The following RBFOX1 variants were observed in gnomAD, a reference collection of about 807,000 sequenced individuals.
The protein encoded by RBFOX1 is RNA binding fox-1 homolog 1, also known as RNA binding protein fox-1 homolog 1.
A neutral mutation model predicts 57.7 loss-of-function variants in RBFOX1; 8 were observed. The observed-to-expected ratio is 0.14, with a 90% CI of 0.08 to 0.25. RBFOX1 has a LOEUF of 0.25. RBFOX1 is among the 10% of genes least tolerant of loss of function. The pLI, the probability that RBFOX1 is intolerant of heterozygous loss-of-function variation, is 1.00. For synonymous variants in RBFOX1, 326 were observed against 222.4 expected (o/e 1.47, Z -4.15); for missense variants, 611 against 548.5 (o/e 1.11, Z -1.14).
At chr16:7,494,612 A>G (rs999034755) in intron 4 of RBFOX1, among the ~76,000 whole-genome samples, 10 of 152,296 alleles carry the variant, frequency 6.6e-5, no homozygotes, top group Admixed American at 4.6e-4. Flanking sequence ...AAATAATCCT[A>G]TGAAGGGTAT....
chr16:6,155,787 G>A (rs924698248), intron 1 of RBFOX1, among the ~76,000 whole-genome samples: 1 of 151,188 alleles, frequency 6.6e-6, no homozygotes, highest in Non-Finnish European at 1.5e-5. Context: ...CTGTGGCAAT[G>A]TTTTTTTTTG....
chr16:7,223,870 C>A (rs1020329370), intron 4 of RBFOX1, among the ~76,000 whole-genome samples: 2 of 151,650 alleles, frequency 1.3e-5, no homozygotes, highest in African/African-American at 2.4e-5. Context: ...AACCATAAAT[C>A]TGTTATGGCT....
intron 3 of RBFOX1, among the ~76,000 whole-genome samples, chr16:5,784,271 A>T (rs1395357515): frequency 1.3e-5 from 2 of 152,078 alleles, no homozygotes; most frequent in Non-Finnish European, 2.9e-5. Flanking sequence ...AATACAAAAA[A>T]ACAAAATTAG....
chr16:7,155,698 C>CAA (rs1204208973), intron 4 of RBFOX1, among the ~76,000 whole-genome samples: 545 of 24,092 alleles, frequency 0.023, 8 homozygotes, highest in African/African-American at 0.028. Context: ...CTCCTCCCAC[C>CAA]AAAAAAAAAA....
intron 3 of RBFOX1, among the ~76,000 whole-genome samples, chr16:6,879,800 C>T (rs568860510): frequency 1.4e-4 from 22 of 152,260 alleles, no homozygotes; most frequent in Non-Finnish European, 1.2e-4. Flanking sequence ...GGAATGGAAG[C>T]ATTTTTGATG....
At chr16:6,009,816 C>CTGTGTGTGTGTGTGTGTGTGTGTGTG (rs148472437) in intron 4 of RBFOX1, among the ~76,000 whole-genome samples, 33 of 148,532 alleles carry the variant, frequency 2.2e-4, no homozygotes, top group African/African-American at 7.5e-4. Flanking sequence ...GTGTGTGTGT[C>CTGTGTGTGTGTGTGTGTGTGTGTGTG]TGTGTGTGTG....
chr16:6,246,601 G>A (rs189897021), intron 1 of RBFOX1, among the ~76,000 whole-genome samples: 3 of 152,204 alleles, frequency 2.0e-5, no homozygotes, highest in Admixed American at 6.5e-5. Context: ...AAGGAAAAGG[G>A]GTGATTCCAC....
chr16:6,873,891 G>A (rs1360866935), intron 3 of RBFOX1: 3 of 152,088 alleles, frequency 2.0e-5, no homozygotes, highest in Non-Finnish European at 4.4e-5. Flanking sequence ...ATCTGAAATA[G>A]GAAACCATTG....
At chr16:7,196,113 T>C (rs2086633508) in intron 4 of RBFOX1, among the ~76,000 whole-genome samples, 1 of 152,128 alleles carries the variant, frequency 6.6e-6, no homozygotes, top group Non-Finnish European at 1.5e-5. Context: ...CTCTTCATCA[T>C]CCTACTCCTC....
intron 3 of RBFOX1, among the ~76,000 whole-genome samples, chr16:5,730,719 A>G (rs1410474863): frequency 1.3e-5 from 2 of 151,792 alleles, no homozygotes. Flanking sequence ...CCAGCTTATT[A>G]TTATCATCAC....
At chr16:6,678,169 G>C (rs2058058257) in intron 3 of RBFOX1, among the ~76,000 whole-genome samples, 2 of 152,196 alleles carry the variant, frequency 1.3e-5, no homozygotes. Flanking sequence ...TGTCGCCCAG[G>C]CTGGAGTGCA....
intron 3 of RBFOX1, among the ~76,000 whole-genome samples, chr16:6,720,264 C>G (rs1419320259): frequency 2.0e-5 from 3 of 151,884 alleles, no homozygotes; most frequent in East Asian, 1.9e-4. Flanking sequence ...AAAGTGTGTA[C>G]TTCTTCCCCC....
intron 2 of RBFOX1, among the ~76,000 whole-genome samples, chr16:5,583,753 G>A (rs935377564): frequency 6.6e-6 from 1 of 152,188 alleles, no homozygotes; most frequent in Non-Finnish European, 1.5e-5. Flanking sequence ...GATGTAGGCT[G>A]TTAGCCCCAT....
At chr16:6,895,561 GAGGA>G (rs1248186208) in intron 3 of RBFOX1, among the ~76,000 whole-genome samples, 1 of 149,756 alleles carries the variant, frequency 6.7e-6, no homozygotes, top group African/African-American at 2.5e-5. Flanking sequence ...TGATTGATGA[GAGGA>G]AGGATCTATG....
chr16:5,719,679 C>G (rs1360557818), intron 3 of RBFOX1, among the ~76,000 whole-genome samples: 1 of 152,080 alleles, frequency 6.6e-6, no homozygotes, highest in African/African-American at 2.4e-5. Context: ...CCTCTTGTGC[C>G]TGTGTTTTTT....
chr16:6,691,354 C>T (rs1182679560), intron 3 of RBFOX1, among the ~76,000 whole-genome samples: 3 of 152,124 alleles, frequency 2.0e-5, no homozygotes, highest in South Asian at 2.1e-4. Context: ...CTTATTTTGC[C>T]ATCATTCTTC....
intron 3 of RBFOX1, among the ~76,000 whole-genome samples, chr16:5,636,433 G>C (rs1306125341): frequency 6.6e-6 from 1 of 152,188 alleles, no homozygotes; most frequent in Admixed American, 6.5e-5. Context: ...CAGTGTATCA[G>C]AAATAATGCT....
chr16:5,530,757 C>T (rs1173484999), intron 2 of RBFOX1, among the ~76,000 whole-genome samples: 1 of 151,904 alleles, frequency 6.6e-6, no homozygotes, highest in African/African-American at 2.4e-5. Flanking sequence ...AAACTATCCC[C>T]AGTTGAGAAG....
intron 3 of RBFOX1, chr16:6,721,706 G>T (rs922577873): frequency 6.6e-6 from 1 of 152,000 alleles, no homozygotes; most frequent in Non-Finnish European, 1.5e-5. Context: ...TTTTGTGACT[G>T]TCTTATTTAA....
Sources: allele counts gnomAD v4.1 joint callset (sites outside exome capture counted in the v4.1 genomes callset), GRCh38; gene constraint gnomAD v4.1.1; transcripts MANE v1.5; gene names NCBI Gene and HGNC (gene_info 2026-07-23, HGNC 2026-07-21).